CASD1: variants seen among roughly 807,000 people sequenced by gnomAD.
CASD1 encodes N-acetylneuraminate (7)9-O-acetyltransferase.
CASD1 carries 41 observed loss-of-function variants against 100.0 expected under a neutral mutation model. The observed-to-expected ratio is 0.41, with a 90% CI of 0.32 to 0.53. The LOEUF is 0.53. Among genes scored for constraint, CASD1 ranks in the 20% least tolerant of loss-of-function variants. The pLI is 0.25. For synonymous variants in CASD1, 321 were observed against 315.6 expected, an observed-to-expected ratio of 1.02 and a Z score of -0.18; for missense variants, 774 against 948.7, an observed-to-expected ratio of 0.82 and a Z score of 2.42.
At chr7:94,572,522 T>A in the CASD1 span, among the ~76,000 whole-genome samples, 1 of 152,324 alleles carries the variant, frequency 6.6e-6, no homozygotes, top group Non-Finnish European at 1.5e-5. Context: ...CACATGTATG[T>A]GTTCTTTTGA....
At chr7:94,595,642 A>G in the CASD1 span, among the ~76,000 whole-genome samples, 1 of 152,122 alleles carries the variant, frequency 6.6e-6, no homozygotes, top group African/African-American at 2.4e-5. Context: ...CAAATGACCA[A>G]AATATTTGTG....
At chr7:94,585,661 T>C in the CASD1 span, 1 of 646,900 alleles carries the variant, frequency 1.5e-6, no homozygotes, top group Non-Finnish European at 2.8e-6. Flanking sequence ...TTCTCTGTAT[T>C]TGGTTTTTTT....
chr7:94,536,067 ACC>A (rs1795101578), intron 8 of CASD1, among the ~76,000 whole-genome samples: 1 of 151,884 alleles, frequency 6.6e-6, no homozygotes, highest in South Asian at 2.1e-4. Context: ...ACATGGGGAA[ACC>A]CCATCTCTAC....
chr7:94,518,923 T>A (rs1196468821), intron 3 of CASD1, among the ~76,000 whole-genome samples: 1 of 152,114 alleles, frequency 6.6e-6, no homozygotes, highest in Non-Finnish European at 1.5e-5. Context: ...CTTTGCTTTT[T>A]AAATTATTTC....
chr7:94,593,252 C>A, the CASD1 span, among the ~76,000 whole-genome samples: 1 of 151,880 alleles, frequency 6.6e-6, no homozygotes, highest in Non-Finnish European at 1.5e-5. Flanking sequence ...TTGAGAGAGA[C>A]CCAATTATCC....
At chr7:94,587,378 T>C in the CASD1 span, 2 of 1,074,690 alleles carry the variant, frequency 1.9e-6, no homozygotes, top group Non-Finnish European at 2.3e-6. Flanking sequence ...TTCTAGAAAT[T>C]GCCTGCTTCC....
the CASD1 span, among the ~76,000 whole-genome samples, chr7:94,631,030 G>A: frequency 2.4e-4 from 36 of 152,076 alleles, 1 homozygote; most frequent in South Asian, 2.9e-3. Flanking sequence ...GTAGCTTCAC[G>A]TATCTACAGA....
At chr7:94,567,474 T>A in the CASD1 span, among the ~76,000 whole-genome samples, 1 of 152,138 alleles carries the variant, frequency 6.6e-6, no homozygotes, top group Non-Finnish European at 1.5e-5. Flanking sequence ...CTTTTTTACC[T>A]CATGAAGCAT....
rs139361293 is a variant in CASD1 at position 94,537,545 on chromosome 7, G to C, written c.917G>C (p.Arg306Pro). The change falls in exon 9 of 18, where the codon CGG (arginine) becomes CCG (proline). Residue 306 changes from arginine to proline, a missense_variant. Transcript: ENST00000297273. ...GTAGATGGGTCCTGTTGTCAACCTC[G>C]GCCTCCTGTTACTCTCATACAGAAG... is the stretch of plus-strand genomic sequence containing the variant. ...KPVDGSCCQP[R>P]PPVTLIQKLA... is the part of the protein sequence containing the mutation. The C allele has an allele frequency of 1.9e-6, 3 of 1,613,558 alleles. No homozygotes were observed. The highest frequency in any genetic ancestry group is 2.2e-5 in the East Asian group (1 of 44,864).
chr7:94,569,189 C>T, the CASD1 span, among the ~76,000 whole-genome samples: 1 of 152,012 alleles, frequency 6.6e-6, no homozygotes, highest in Non-Finnish European at 1.5e-5. Flanking sequence ...ATGCATATAC[C>T]ACATCTGGTA....
At chr7:94,611,172 A>G in the CASD1 span, among the ~76,000 whole-genome samples, 2 of 152,218 alleles carry the variant, frequency 1.3e-5, no homozygotes, top group Admixed American at 1.3e-4. Flanking sequence ...ATGAAAATAT[A>G]TGTCTACACA....
At chr7:94,614,626 T>C in the CASD1 span, among the ~76,000 whole-genome samples, 4 of 152,192 alleles carry the variant, frequency 2.6e-5, no homozygotes, top group South Asian at 4.1e-4. Flanking sequence ...TTTGTACTTA[T>C]ATTTTCAACT....
the CASD1 span, chr7:94,600,764 A>C: frequency 6.2e-7 from 1 of 1,613,774 alleles, no homozygotes; most frequent in African/African-American, 1.3e-5. Context: ...CTTTTCAAAG[A>C]ATCAGAAGGG....
chr7:94,588,629 A>C, the CASD1 span: 1 of 1,556,218 alleles, frequency 6.4e-7, no homozygotes, highest in Non-Finnish European at 8.8e-7. Context: ...TAGTGCCATA[A>C]TTATCTTTTA....
chr7:94,612,250 G>A, the CASD1 span, among the ~76,000 whole-genome samples: 1 of 151,974 alleles, frequency 6.6e-6, no homozygotes, highest in African/African-American at 2.4e-5. Context: ...TTCATGCTTT[G>A]AAATGTTTTT....
intron 10 of CASD1, among the ~76,000 whole-genome samples, chr7:94,540,273 G>A (rs952682464): frequency 3.9e-5 from 6 of 152,040 alleles, no homozygotes; most frequent in African/African-American, 1.4e-4. Flanking sequence ...GTTTTTTATT[G>A]TTCTATTTGC....
the CASD1 span, among the ~76,000 whole-genome samples, chr7:94,606,521 T>C: frequency 6.6e-6 from 1 of 152,164 alleles, no homozygotes; most frequent in Non-Finnish European, 1.5e-5. Context: ...ATGAATCCAC[T>C]ATTATAGCTG....
chr7:94,599,281 T>A, the CASD1 span: 2 of 294,070 alleles, frequency 6.8e-6, no homozygotes, highest in African/African-American at 4.4e-5. Flanking sequence ...AAAACTACCA[T>A]AGCTTTTATA....
the CASD1 span, among the ~76,000 whole-genome samples, chr7:94,605,091 C>A: frequency 6.6e-6 from 1 of 151,568 alleles, no homozygotes; most frequent in Non-Finnish European, 1.5e-5. Flanking sequence ...ATTAGTCCAG[C>A]TAGCAAGAAA....
Sources: allele counts gnomAD v4.1 joint callset (sites outside exome capture counted in the v4.1 genomes callset), GRCh38; gene constraint gnomAD v4.1.1; transcripts MANE v1.5; gene names NCBI Gene and HGNC (gene_info 2026-07-23, HGNC 2026-07-21).